Variants in NRXN3 observed in about 807,000 individuals in gnomAD.
NRXN3 encodes neurexin 3, also known as neurexin III.
A neutral mutation model predicts 137.6 loss-of-function variants in NRXN3; 32 were observed. The ratio of observed to expected loss-of-function variants is 0.23; its 90% confidence interval spans 0.18 to 0.31. The LOEUF is 0.31. Ranked by LOEUF, NRXN3 falls within the 10% of genes least tolerant of loss-of-function variation. NRXN3 has a pLI of 1.00. For missense variants in NRXN3, 1,574 were observed against 2,062.5 expected, an observed-to-expected ratio of 0.76 and a Z score of 4.59; for synonymous variants, 798 against 784.5, an observed-to-expected ratio of 1.02 and a Z score of -0.29.
chr14:78,504,253 A>G (rs11159366), intron 4 of NRXN3, among the ~76,000 whole-genome samples: 63,451 of 152,020 alleles, frequency 0.42, 13,438 homozygotes, highest in East Asian at 0.51. Flanking sequence ...GGGTGCTTGC[A>G]AAGACAGCAG....
At chr14:79,098,681 C>G (rs1335439282) in intron 15 of NRXN3, among the ~76,000 whole-genome samples, 2 of 152,122 alleles carry the variant, frequency 1.3e-5, no homozygotes, top group African/African-American at 4.8e-5. Context: ...GCAGTGCTTC[C>G]CATTGAGATT....
chr14:78,422,465 G>C (rs543125391), intron 4 of NRXN3, among the ~76,000 whole-genome samples: 39 of 152,280 alleles, frequency 2.6e-4, no homozygotes, highest in Non-Finnish European at 4.4e-4. Flanking sequence ...AGAATCAGCT[G>C]GTGGGGAGAC....
chr14:79,808,933 T>C (rs2099221479), intron 20 of NRXN3, among the ~76,000 whole-genome samples: 1 of 152,218 alleles, frequency 6.6e-6, no homozygotes, highest in South Asian at 2.1e-4. Context: ...AATCTTATTA[T>C]ATTTAGGAAC....
At chr14:79,093,882 A>G (rs750578063) in intron 15 of NRXN3, among the ~76,000 whole-genome samples, 1 of 142,936 alleles carries the variant, frequency 7.0e-6, no homozygotes, top group African/African-American at 2.6e-5. Context: ...CGAGTCATAT[A>G]TCATTCTGAT....
intron 6 of NRXN3, among the ~76,000 whole-genome samples, chr14:78,664,122 A>G (rs1401986967): frequency 6.6e-6 from 1 of 152,166 alleles, no homozygotes; most frequent in African/African-American, 2.4e-5. Flanking sequence ...CTGCACACCA[A>G]TTATCAACCA....
chr14:78,926,352 C>G (rs886726266), intron 10 of NRXN3, among the ~76,000 whole-genome samples: 1 of 151,762 alleles, frequency 6.6e-6, no homozygotes, highest in Non-Finnish European at 1.5e-5. Context: ...TGGTCTTTCT[C>G]TCTTATATAT....
intron 16 of NRXN3, among the ~76,000 whole-genome samples, chr14:79,663,068 C>A (rs2153986249): frequency 6.6e-6 from 1 of 152,196 alleles, no homozygotes; most frequent in South Asian, 2.1e-4. Flanking sequence ...GTTGCATAAG[C>A]TCTGGTCTTG....
intron 15 of NRXN3, among the ~76,000 whole-genome samples, chr14:79,338,793 T>G (rs967237393): frequency 1.3e-5 from 2 of 152,208 alleles, no homozygotes; most frequent in African/African-American, 4.8e-5. Flanking sequence ...AAAACTTCCC[T>G]CTGAATTTTA....
intron 4 of NRXN3, among the ~76,000 whole-genome samples, chr14:78,642,709 C>T (rs139864192): frequency 2.6e-5 from 4 of 152,286 alleles, no homozygotes; most frequent in Non-Finnish European, 5.9e-5. Flanking sequence ...CTCCAGGTCT[C>T]CTGAGCAGGG....
chr14:79,867,177 C>A lies in NRXN3; in HGVS notation c.*5213C>A, dbSNP rs1041143868. The A allele has an allele frequency of 1.3e-5, 2 of 152,096 alleles. No homozygotes were observed. Among genetic ancestry groups the A allele is most frequent in the African/African-American group, 4.8e-5 (2 of 41,398 alleles). 9.4% of individuals were successfully genotyped at this position (152,096 alleles called of 1,614,324 possible). On this transcript the variant is annotated 3_prime_UTR_variant, in exon 21 of 21. Coordinates refer to ENST00000335750, the MANE Select transcript of NRXN3 (RefSeq NM_001330195.2). ...TGACTTAAAATCCAGTCTTGTGGTT[C>A]CAAATTTAGAGCTCTTTCATAAACC...
At chr14:79,137,211 A>G (rs955549716) in intron 15 of NRXN3, among the ~76,000 whole-genome samples, 3 of 152,214 alleles carry the variant, frequency 2.0e-5, no homozygotes, top group African/African-American at 7.2e-5. Flanking sequence ...GTTAGGTCCC[A>G]GCTTCATGCC....
intron 4 of NRXN3, among the ~76,000 whole-genome samples, chr14:78,627,566 A>G (rs1174660944): frequency 6.6e-6 from 1 of 152,192 alleles, no homozygotes; most frequent in African/African-American, 2.4e-5. Flanking sequence ...CACATGCAGG[A>G]GGCTTGGAGT....
At chr14:79,615,760 G>A (rs923233090) in intron 16 of NRXN3, among the ~76,000 whole-genome samples, 5 of 152,120 alleles carry the variant, frequency 3.3e-5, no homozygotes, top group African/African-American at 7.2e-5. Flanking sequence ...TTGGGGAACC[G>A]TCCCCATGAT....
At chr14:78,463,106 TTC>T (rs2094974590) in intron 4 of NRXN3, among the ~76,000 whole-genome samples, 1 of 152,208 alleles carries the variant, frequency 6.6e-6, no homozygotes, top group African/African-American at 2.4e-5. Context: ...GTATTTGACT[TTC>T]TGTTTCTGAA....
intron 15 of NRXN3, among the ~76,000 whole-genome samples, chr14:79,290,683 A>G (rs928047497): frequency 6.9e-6 from 1 of 145,550 alleles, no homozygotes; most frequent in Admixed American, 7.0e-5. Context: ...AAAAAAAAAA[A>G]TAGCCACCAC....
At chr14:79,087,295 C>T (rs1002847979) in intron 15 of NRXN3, among the ~76,000 whole-genome samples, 1 of 152,150 alleles carries the variant, frequency 6.6e-6, no homozygotes, top group African/African-American at 2.4e-5. Flanking sequence ...CCCCTGTATG[C>T]AAGGCCCCAG....
intron 15 of NRXN3, among the ~76,000 whole-genome samples, chr14:79,418,935 G>A (rs1480692057): frequency 6.6e-6 from 1 of 152,152 alleles, no homozygotes; most frequent in Non-Finnish European, 1.5e-5. Context: ...AGGTTCTTAA[G>A]TGTTAACTAT....
intron 4 of NRXN3, among the ~76,000 whole-genome samples, chr14:78,625,597 A>C (rs2097450256): frequency 6.6e-6 from 1 of 152,188 alleles, no homozygotes; most frequent in South Asian, 2.1e-4. Flanking sequence ...TGGACAGGAA[A>C]GAGCTAGGCA....
At chr14:79,314,841 T>C (rs2088143626) in intron 15 of NRXN3, among the ~76,000 whole-genome samples, 1 of 149,732 alleles carries the variant, frequency 6.7e-6, no homozygotes, top group Non-Finnish European at 1.5e-5. Flanking sequence ...CCAACAGACC[T>C]GCAGCTGAGG....
Sources: allele counts gnomAD v4.1 joint callset (sites outside exome capture counted in the v4.1 genomes callset), GRCh38; gene constraint gnomAD v4.1.1; transcripts MANE v1.5; gene names NCBI Gene and HGNC (gene_info 2026-07-23, HGNC 2026-07-21).